CEP131: variants seen among roughly 807,000 people sequenced by gnomAD.
The protein encoded by CEP131 is centrosomal protein 131, also known as centrosomal protein of 131 kDa.
Under a neutral mutation model 136.8 loss-of-function variants are expected in CEP131, and 99 were observed. That is an observed-to-expected ratio of 0.72 (90% confidence interval 0.62 to 0.86). CEP131 has a LOEUF of 0.86. CEP131 is among the 40% of genes least tolerant of loss of function. The pLI is 0.00. For synonymous variants in CEP131, 646 were observed against 612.7 expected (o/e 1.05, Z -0.80); for missense variants, 1,459 against 1,463.0 (o/e 1.00, Z 0.04).
At chr17:81,193,554 G>T (rs183401763) in intron 18 of CEP131, among the ~76,000 whole-genome samples, 2 of 152,192 alleles carry the variant, frequency 1.3e-5, no homozygotes, top group African/African-American at 4.8e-5. Flanking sequence ...GAGAGAGACC[G>T]TCCCTGGGCC....
chr17:81,207,322 G>A (rs983340971), intron 3 of CEP131, 83 bp from the exon 4 acceptor site: 127 of 1,246,960 alleles, frequency 1.0e-4, no homozygotes, highest in Middle Eastern at 9.9e-4. Flanking sequence ...GGCAGGTCCC[G>A]CGAGGACAGA....
chr17:81,193,192 AGGTGCCTCGT>A (rs2061681791), intron 18 of CEP131, among the ~76,000 whole-genome samples: 1 of 152,192 alleles, frequency 6.6e-6, no homozygotes, highest in Non-Finnish European at 1.5e-5. Context: ...GGCGGGAGGC[AGGTGCCTCGT>A]GGGGCCTTAT....
chr17:81,193,200 C>T (rs1323244264), intron 18 of CEP131, among the ~76,000 whole-genome samples: 2 of 152,194 alleles, frequency 1.3e-5, no homozygotes, highest in African/African-American at 4.8e-5. Context: ...GCAGGTGCCT[C>T]GTGGGGCCTT....
intron 2 of CEP131, among the ~76,000 whole-genome samples, chr17:81,216,932 C>T (rs567282589): frequency 6.0e-4 from 91 of 152,286 alleles, no homozygotes; most frequent in Non-Finnish European, 9.8e-4. Flanking sequence ...CACTCACTGA[C>T]GGACACCACG....
chr17:81,221,124 C>CAAAAAAA lies in CEP131; in HGVS notation c.-17-1058_-17-1052dup, dbSNP rs760838378. 3.7e-5 allele frequency among the ~76,000 whole-genome samples: 2 copies of CAAAAAAA among 53,854 alleles called. 1 individual carries two copies. The allele number at this position is 53,854 out of a possible 152,430, so 35.3% of individuals were successfully genotyped here. A position where few individuals can be genotyped will look rare whatever the true frequency, so the allele number is the denominator to read the frequency against. ...TGGGCAACATAGCGAGACTCCATCT[C>CAAAAAAA]AAAAAAAAAAAAAAAAAAAAAACGC... On this transcript the variant is annotated intron_variant, in intron 1 of 25. Coordinates refer to ENST00000450824, the MANE Select transcript of CEP131 (RefSeq NM_014984.4).
chr17:81,194,199 C>T, intron 17 of CEP131, 72 bp from the exon 18 acceptor site: 2 of 1,376,742 alleles, frequency 1.5e-6, no homozygotes, highest in Non-Finnish European at 1.9e-6. Context: ...TGGCACAAGA[C>T]CAGCCTGTCT....
At chr17:81,206,667 C>T in intron 5 of CEP131, 77 bp downstream of exon 5, 1 of 1,511,636 alleles carries the variant, frequency 6.6e-7, no homozygotes, top group Non-Finnish European at 8.8e-7. Context: ...GAGCCATAAA[C>T]AAGACAAAGA....
intron 2 of CEP131, among the ~76,000 whole-genome samples, chr17:81,213,070 T>C (rs1181811009): frequency 6.6e-6 from 1 of 151,926 alleles, no homozygotes; most frequent in Non-Finnish European, 1.5e-5. Context: ...CTGGAGCAGT[T>C]TATAGGGCCA....
chr17:81,192,685 G>GGGGGGGGGGGGGGGCGGCCC, intron 19 of CEP131, 51 bp downstream of exon 19: 2 of 478,438 alleles, frequency 4.2e-6, no homozygotes, highest in South Asian at 1.6e-5. Flanking sequence ...GGGGGGAGGG[G>GGGGGGGGGGGGGGGCGGCCC]TCAGCCAGCG....
In CEP131 at chr17:81,197,073, C is replaced by A. The variant is rs77435887; in HGVS notation, c.1648-18G>T. ...ACCCACCCCTGCAGACACAGCCGAG[C>A]GTCAGGCGGAAGCGGCAGAGGACGG... is the stretch of plus-strand genomic sequence containing the variant. On this transcript the variant is annotated intron_variant, in intron 13 of 25. Coordinates refer to ENST00000450824, the MANE Select transcript of CEP131 (RefSeq NM_014984.4). 3 of 1,577,206 alleles carry A rather than the reference C, an allele frequency of 1.9e-6. No individual in the cohort carries two copies. Among genetic ancestry groups the A allele is most frequent in the East Asian group, 2.3e-5 (1 of 43,176 alleles).
intron 6 of CEP131, 146 bp from the exon 7 acceptor site, chr17:81,202,544 G>T: frequency 1.1e-6 from 1 of 929,594 alleles, no homozygotes; most frequent in Non-Finnish European, 1.6e-6. Flanking sequence ...GGGGGACAGC[G>T]GCAGGTGCGA....
intron 2 of CEP131, among the ~76,000 whole-genome samples, chr17:81,210,360 A>G (rs974448029): frequency 1.3e-5 from 2 of 152,148 alleles, no homozygotes; most frequent in African/African-American, 4.8e-5. Context: ...TCACGAGGTC[A>G]GGAGATCAAG....
In CEP131 at chr17:81,193,808, C is replaced by T. The variant is rs1053189809; in HGVS notation, c.2321+118G>A. On this transcript the variant is annotated intron_variant, in intron 18 of 25. Coordinates refer to ENST00000450824, the MANE Select transcript of CEP131 (RefSeq NM_014984.4). ...CAGGGCCAAGGGCCCTGCGTCCTCC[C>T]TGCATGCTGCACTAAGACCCTCGCC... The T allele has an allele frequency of 3.4e-6, 4 of 1,177,066 alleles. No individual in the cohort carries two copies. The African/African-American group carries it at 6.3e-5, about 19-fold the overall frequency. 72.9% of individuals were successfully genotyped at this position (1,177,066 alleles called of 1,614,324 possible).
rs183783621 is a variant in CEP131 at position 81,197,637 on chromosome 17, C to T, written c.1647+75G>A. 5.4e-5 allele frequency: 81 copies of T among 1,506,740 alleles called. 1 individual carries two copies. Among genetic ancestry groups the T allele is most frequent in the East Asian group, 1.4e-4 (6 of 42,016 alleles). The allele number at this position is 1,506,740 out of a possible 1,614,324, so 93.3% of individuals were successfully genotyped here. A position where few individuals can be genotyped will look rare whatever the true frequency, so the allele number is the denominator to read the frequency against. ...GGTGCGGGCTGGTGAGGGGCCTCCT[C>T]CCCCGAGGGCCAGGTGCAGGCTCGT... On this transcript the variant is annotated intron_variant, in intron 13 of 25. Transcript: ENST00000450824.
rs2061664816 is a variant in CEP131, at chr17:81,192,559, GC to G, written c.2463del (p.Gln821HisfsTer9). The part of the protein sequence containing the change: ...QRAELEELRQ[Q>X]LEESSSALTR... ...GTCAGTGCAGAGCTGCTCTCCTCCAGCTGCTGCCTCAGCTCTTCCAGCTCCG... is the reference window on the plus strand; with the variant it reads ...GTCAGTGCAGAGCTGCTCTCCTCCAGTGCTGCCTCAGCTCTTCCAGCTCCG... On this transcript the variant is annotated frameshift_variant, in exon 20 of 26. Transcript: ENST00000450824. LOFTEE classifies it high-confidence loss of function. The G allele has an allele frequency of 6.2e-7, 1 of 1,609,402 alleles. No homozygotes were observed. Among genetic ancestry groups the G allele is most frequent in the South Asian group, 1.1e-5 (1 of 90,624 alleles).
Position 81,206,762 on chromosome 17 carries a change from T to C in CEP131, c.497A>G (p.Asn166Ser), listed in dbSNP as rs2146639991. 5.6e-6 allele frequency: 9 copies of C among 1,613,850 alleles called. 1 individual carries two copies. Among genetic ancestry groups the C allele is most frequent in the South Asian group, 2.2e-5 (2 of 91,042 alleles). Residue 166 changes from asparagine (N) to serine (S), a missense_variant, in exon 5 of 26, where the codon AAC becomes AGC. Asn to Ser is a conservative substitution (Grantham distance 46). Around this residue, in one of 3 missense-constraint regions of CEP131, gnomAD observed 246 missense variants for 318.9 expected, o/e 0.77. Transcript: ENST00000450824. The stretch of plus-strand genomic sequence containing the variant: ...GTCGTACCTGTTGTTAGCAGTGAAG[T>C]TGGGGGCCAGGGCCACGGTGCATTC... ...RKECTVALAP[N>S]FTANNRSNKG...
intron 24 of CEP131, among the ~76,000 whole-genome samples, chr17:81,190,295 G>A (rs1218627693): frequency 6.6e-6 from 1 of 152,168 alleles, no homozygotes; most frequent in African/African-American, 2.4e-5. Context: ...CCCGTGGAGG[G>A]AGCTCGCTGG....
At position 81,192,839 on chromosome 17, in the gene CEP131, G is replaced by C; in HGVS notation, c.2326C>G (p.Gln776Glu). The change falls in exon 19 of 26, where the codon CAG becomes GAG. Residue 776 changes from glutamine to glutamate, a missense_variant. Gln to Glu is a conservative substitution (Grantham distance 29, BLOSUM62 2). Around this residue, in one of 3 missense-constraint regions of CEP131, gnomAD observed 1,026 missense variants for 964.2 expected, o/e 1.06. Coordinates refer to ENST00000450824, the MANE Select transcript of CEP131 (RefSeq NM_014984.4). ...CACTGCTCCTGCTCCAGGTGCTGCT[G>C]GAACCTGCGGGACGGTCAGGACTGG... Reference protein sequence around the residue: ...QERERARQRFQQHLEQEQWAL... With the variant: ...QERERARQRFEQHLEQEQWAL... 1 of 1,597,330 alleles carries C rather than the reference G, an allele frequency of 6.3e-7. No individual in the cohort carries two copies. The highest frequency in any genetic ancestry group is 8.5e-7 in the Non-Finnish European group (1 of 1,179,094).
In CEP131 at chr17:81,191,196, C is replaced by T; in HGVS notation, c.2762G>A (p.Ser921Asn). The T allele has an allele frequency of 6.2e-7, 1 of 1,611,600 alleles. No homozygotes were observed. The highest frequency in any genetic ancestry group is 8.5e-7 in the Non-Finnish European group (1 of 1,179,228). Residue 921 changes from serine to asparagine, a missense_variant, in exon 22 of 26, where the codon AGC becomes AAC. Coordinates refer to ENST00000450824, the MANE Select transcript of CEP131 (RefSeq NM_014984.4). The stretch of plus-strand genomic sequence containing the variant: ...CCCAGCCATGGCGGGTCCTTACCGG[C>T]TCTCGGCAGCCTTCTCACTCTCCTC... Reference protein sequence around the residue: ...AKEESEKAAESRIKRLRDKYE... With the variant: ...AKEESEKAAENRIKRLRDKYE...
Sources: allele counts gnomAD v4.1 joint callset (sites outside exome capture counted in the v4.1 genomes callset), GRCh38; gene constraint gnomAD v4.1.1; regional missense constraint gnomAD v4.1.1; transcripts MANE v1.5; gene names NCBI Gene and HGNC (gene_info 2026-07-23, HGNC 2026-07-21).